NANP: variants seen among roughly 807,000 people sequenced by gnomAD.
NANP encodes N-acylneuraminate-9-phosphatase.
Under a neutral mutation model 16.9 loss-of-function variants are expected in NANP, and 15 were observed. The ratio of observed to expected loss-of-function variants is 0.89; its 90% CI spans 0.59 to 1.37. The LOEUF (loss-of-function observed/expected upper bound fraction) is 1.37, where lower values mean the gene tolerates loss of function less well. NANP is among the 40% of genes most tolerant of loss of function. NANP has a pLI of 0.00. For missense variants in NANP, 290 were observed against 303.5 expected (o/e 0.96, Z 0.33); for synonymous variants, 135 against 112.6 (o/e 1.20, Z -1.26).
chr20:25,623,439 A>T (rs1265724765), intron 1 of NANP, among the ~76,000 whole-genome samples: 1 of 152,184 alleles, frequency 6.6e-6, no homozygotes, highest in Non-Finnish European at 1.5e-5. Context: ...GTCTCCTCCC[A>T]GCAACCCCGA....
chr20:25,621,594 G>A (rs995353652), intron 1 of NANP, among the ~76,000 whole-genome samples: 14 of 152,072 alleles, frequency 9.2e-5, no homozygotes, highest in South Asian at 2.1e-4. Flanking sequence ...TGGCTCTGTC[G>A]CCCAGGCTGG....
Position 25,623,864 on chromosome 20 carries a change from A to G in NANP, c.85T>C (p.Leu29=), listed in dbSNP as rs1037344047. ...DTAGASRRGM[L]EVIKLLQSKY... is the part of the protein sequence containing the mutation. ...GCCATGGGTGGGGACGTTACCTCCA[A>G]CATGCCTCTCCTGCTCGCCCCGGCC... is the stretch of plus-strand genomic sequence containing the variant. Residue 29 remains leucine (L), a synonymous_variant, in exon 1 of 2, where the codon TTG becomes CTG. Coordinates refer to ENST00000304788, the MANE Select transcript of NANP (RefSeq NM_152667.3). 11 of 1,613,104 alleles carry G rather than the reference A, an allele frequency of 6.8e-6. No individual in the cohort carries two copies. The Admixed American group carries it at 1.2e-4, about 17-fold the overall frequency.
In NANP at chr20:25,623,890, G is replaced by A; in HGVS notation, c.59C>T (p.Thr20Met). The A allele has an allele frequency of 6.2e-7, 1 of 1,613,702 alleles. No individual in the cohort carries two copies. Among genetic ancestry groups the A allele is most frequent in the Non-Finnish European group, 8.5e-7 (1 of 1,179,822 alleles). Residue 20 changes from threonine (T) to methionine (M), a missense_variant, in exon 1 of 2, where the codon ACG (threonine) becomes ATG (methionine). By Grantham distance (81) the Thr-to-Met change is moderately conservative. Coordinates refer to ENST00000304788, the MANE Select transcript of NANP (RefSeq NM_152667.3). Reference protein sequence around the residue: ...FFDLDNTLIDTAGASRRGMLE... With the variant: ...FFDLDNTLIDMAGASRRGMLE... ...CATGCCTCTCCTGCTCGCCCCGGCC[G>A]TGTCGATGAGAGTGTTGTCCAAGTC...
chr20:25,616,132 T>A lies in NANP; in HGVS notation c.540A>T (p.Gln180His). 2 of 1,614,144 alleles carry A rather than the reference T, an allele frequency of 1.2e-6. No individual in the cohort carries two copies. Among genetic ancestry groups the A allele is most frequent in the African/African-American group, 1.3e-5 (1 of 75,012 alleles). The change falls in exon 2 of 2, where the codon CAA (glutamine) becomes CAT (histidine). Residue 180 changes from glutamine (Q) to histidine (H), a missense_variant. Transcript: ENST00000304788. The stretch of plus-strand genomic sequence containing the variant: ...CACCGACCATCACACAGTCCCCAGG[T>A]TGTACTCCGAGAAGATTGCAGCAGT... ...FYYCCNLLGV[Q>H]PGDCVMVGDT...
At chr20:25,617,182 T>C (rs1279406007) in intron 1 of NANP, among the ~76,000 whole-genome samples, 3 of 152,160 alleles carry the variant, frequency 2.0e-5, no homozygotes, top group Non-Finnish European at 4.4e-5. Context: ...AAGACCTAAA[T>C]TGACTATCAC....
chr20:25,618,525 C>T (rs2065352591), intron 1 of NANP, among the ~76,000 whole-genome samples: 1 of 152,046 alleles, frequency 6.6e-6, no homozygotes, highest in African/African-American at 2.4e-5. Flanking sequence ...GCAGGTGCTG[C>T]CTAAATCCCC....
In NANP at chr20:25,616,153, G is replaced by T. The variant is rs1200352875; in HGVS notation, c.519C>A (p.Cys173Ter). 6.2e-7 allele frequency: 1 copy of T among 1,614,148 alleles called. No individual in the cohort carries two copies. Among genetic ancestry groups the T allele is most frequent in the East Asian group, 2.2e-5 (1 of 44,878 alleles). ...EKPAPSIFYY[C>*]CNLLGVQPGD... ...CAGGTTGTACTCCGAGAAGATTGCAGCAGTAATAAAATATGGACGGTGCTG... is the reference window on the plus strand; with the variant it reads ...CAGGTTGTACTCCGAGAAGATTGCATCAGTAATAAAATATGGACGGTGCTG... Residue 173 changes from cysteine to a stop codon, truncating the protein, a stop_gained, in exon 2 of 2, where the codon TGC becomes TGA. Transcript: ENST00000304788. LOFTEE classifies it high-confidence loss of function.
intron 1 of NANP, among the ~76,000 whole-genome samples, chr20:25,620,452 ATTC>A (rs2065360003): frequency 6.6e-6 from 1 of 152,182 alleles, no homozygotes; most frequent in South Asian, 2.1e-4. Flanking sequence ...AGGAAACTCT[ATTC>A]TTCTGTCTGC....
At chr20:25,623,797 G>C in intron 1 of NANP, 62 bp downstream of exon 1, 1 of 1,476,764 alleles carries the variant, frequency 6.8e-7, no homozygotes, top group South Asian at 1.2e-5. Context: ...GGAGGTGAGC[G>C]TGCAGGACGG....
Position 25,616,056 on chromosome 20 carries a change from T to C in NANP, c.616A>G (p.Thr206Ala), listed in dbSNP as rs2065341889. 1 of 1,614,098 alleles carries C rather than the reference T, an allele frequency of 6.2e-7. No homozygotes were observed. Among genetic ancestry groups the C allele is most frequent in the South Asian group, 1.1e-5 (1 of 91,090 alleles). Residue 206 changes from threonine to alanine, a missense_variant, in exon 2 of 2, where the codon ACA becomes GCA. Coordinates refer to ENST00000304788, the MANE Select transcript of NANP (RefSeq NM_152667.3). ...QGGLNAGLKATVWINKNGIVP... is the reference protein window; with the variant it reads ...QGGLNAGLKAAVWINKNGIVP... ...ATTCCATTTTTATTGATCCAGACTG[T>C]TGCTTTCAATCCTGCATTGAGGCCT... is the stretch of plus-strand genomic sequence containing the variant.
At position 25,616,492 on chromosome 20, in the gene NANP, A is replaced by G; in HGVS notation, c.180T>C (p.Cys60=). 2.5e-6 allele frequency: 4 copies of G among 1,613,692 alleles called. No homozygotes were observed. Among genetic ancestry groups the G allele is most frequent in the Non-Finnish European group, 2.5e-6 (3 of 1,179,764 alleles). ...TAATGCATGTATTGTAAGGATGAAA[A>G]CATTCCTTGCTGAGTTTAACTTGAA... ...DKVQVKLSKE[C]FHPYNTCITD... The change falls in exon 2 of 2, where the codon TGT becomes TGC. Residue 60 remains cysteine, a synonymous_variant. Transcript: ENST00000304788.
intron 1 of NANP, 78 bp from the exon 2 acceptor site, chr20:25,616,659 G>A: frequency 1.7e-6 from 2 of 1,172,282 alleles, no homozygotes; most frequent in Non-Finnish European, 2.4e-6. Context: ...GATCCTACAA[G>A]TGGCTGAGAG....
rs920886831 is a variant in NANP at position 25,615,836 on chromosome 20, G to A, written c.*89C>T. 9 of 1,255,368 alleles carry A rather than the reference G, an allele frequency of 7.2e-6. No individual in the cohort carries two copies. The highest frequency in any genetic ancestry group is 3.0e-5 in the African/African-American group (2 of 66,406). The allele number at this position is 1,255,368 out of a possible 1,614,324, so 77.8% of individuals were successfully genotyped here. On this transcript the variant is annotated 3_prime_UTR_variant, in exon 2 of 2. Coordinates refer to ENST00000304788, the MANE Select transcript of NANP (RefSeq NM_152667.3). ...CATAAGTAAAATTATTCTTAGAGCT[G>A]GATTATCATAAGTGGAGTGCCCTAA...
At chr20:25,620,215 G>C (rs2065359057) in intron 1 of NANP, among the ~76,000 whole-genome samples, 1 of 152,170 alleles carries the variant, frequency 6.6e-6, no homozygotes, top group African/African-American at 2.4e-5. Flanking sequence ...TTGAATTGGA[G>C]GTGAAGGAAA....
chr20:25,623,904 G>A lies in NANP; in HGVS notation c.45C>T (p.Asn15=). The change falls in exon 1 of 2, where the codon AAC becomes AAT. Residue 15 remains asparagine (N), a synonymous_variant. Transcript: ENST00000304788. ...TCGCCCCGGCCGTGTCGATGAGAGT[G>A]TTGTCCAAGTCAAAGAAAACCGCCC... is the stretch of plus-strand genomic sequence containing the variant. ...RVRAVFFDLD[N]TLIDTAGASR... The A allele has an allele frequency of 6.2e-7, 1 of 1,613,612 alleles. No homozygotes were observed. Among genetic ancestry groups the A allele is most frequent in the Non-Finnish European group, 8.5e-7 (1 of 1,179,746 alleles).
In NANP at chr20:25,616,599, A is replaced by G. The variant is rs770930565; in HGVS notation, c.91-18T>C. The G allele has an allele frequency of 6.5e-7, 1 of 1,534,634 alleles. No homozygotes were observed. Among genetic ancestry groups the G allele is most frequent in the African/African-American group, 1.4e-5 (1 of 72,790 alleles). On this transcript the variant is annotated intron_variant, in intron 1 of 1. Transcript: ENST00000304788. The stretch of plus-strand genomic sequence containing the variant: ...TTTATCACCTAAATAATGGAAAATA[A>G]CTCCATTAACACATTGCATGTCTTT...
chr20:25,618,765 C>A (rs1283241589), intron 1 of NANP, among the ~76,000 whole-genome samples: 4 of 152,020 alleles, frequency 2.6e-5, no homozygotes, highest in Non-Finnish European at 5.9e-5. Context: ...GTGTACTGTC[C>A]CCCAGAAATC....
chr20:25,618,049 G>A (rs77847914), intron 1 of NANP, among the ~76,000 whole-genome samples: 2,271 of 152,202 alleles, frequency 0.015, 48 homozygotes, highest in African/African-American at 0.052. Context: ...TTAATAACTC[G>A]CCCATCTGGG....
chr20:25,621,579 G>A (rs541622761), intron 1 of NANP, among the ~76,000 whole-genome samples: 22 of 152,164 alleles, frequency 1.4e-4, no homozygotes, highest in Non-Finnish European at 2.8e-4. Flanking sequence ...TTTTGAGACG[G>A]AGTCTGGCTC....
Sources: gnomAD v4.1 joint callset for allele counts (sites outside exome capture counted in the v4.1 genomes callset) on GRCh38, gnomAD v4.1.1 for gene constraint, MANE v1.5 for transcripts, NCBI Gene and HGNC (gene_info 2026-07-23, HGNC 2026-07-21) for gene names.